The following ADGRL3 variants were observed in gnomAD, a reference collection of about 807,000 sequenced individuals.
ADGRL3 encodes the protein calcium-independent alpha-latrotoxin receptor 3.
In ADGRL3, 62 loss-of-function variants were observed where a neutral mutation model predicts 153.5. The observed-to-expected ratio is 0.40, with a 90% CI of 0.33 to 0.50. The LOEUF (loss-of-function observed/expected upper bound fraction) is 0.50, where lower values mean the gene tolerates loss of function less well. Among genes scored for constraint, ADGRL3 ranks in the 20% least tolerant of loss-of-function variants. The pLI, the probability that ADGRL3 is intolerant of heterozygous loss-of-function variation, is 0.47. For synonymous variants in ADGRL3, 710 were observed against 672.5 expected (o/e 1.06, Z -0.86); for missense variants, 1,641 against 1,859.4 (o/e 0.88, Z 2.16).
chr4:61,496,491 C>T (rs1032668080), intron 2 of ADGRL3, among the ~76,000 whole-genome samples: 4 of 151,500 alleles, frequency 2.6e-5, no homozygotes, highest in African/African-American at 4.9e-5. Context: ...TGGAGAAACC[C>T]CCTCTCTGCT....
intron 1 of ADGRL3, among the ~76,000 whole-genome samples, chr4:61,290,968 C>T (rs1048577355): frequency 6.6e-6 from 1 of 151,690 alleles, no homozygotes; most frequent in African/African-American, 2.4e-5. Flanking sequence ...TTTTAAAAAA[C>T]TGGATTGCTA....
chr4:61,972,727 G>A (rs552789026), intron 17 of ADGRL3, among the ~76,000 whole-genome samples: 7 of 152,014 alleles, frequency 4.6e-5, no homozygotes, highest in Non-Finnish European at 7.4e-5. Context: ...GGATGGCATT[G>A]AATCTATAAA....
At chr4:61,262,037 A>G (rs1036516178) in intron 1 of ADGRL3, among the ~76,000 whole-genome samples, 2 of 152,080 alleles carry the variant, frequency 1.3e-5, no homozygotes, top group African/African-American at 2.4e-5. Context: ...TTAGTAAACT[A>G]TGTTTCAAAG....
intron 1 of ADGRL3, among the ~76,000 whole-genome samples, chr4:61,208,992 T>C (rs1457089661): frequency 1.3e-5 from 2 of 152,132 alleles, no homozygotes; most frequent in Non-Finnish European, 2.9e-5. Flanking sequence ...TAAAGTTTAA[T>C]TGGAGAACTG....
At chr4:61,283,941 C>T (rs1237667709) in intron 1 of ADGRL3, among the ~76,000 whole-genome samples, 1 of 151,964 alleles carries the variant, frequency 6.6e-6, no homozygotes, top group East Asian at 1.9e-4. Context: ...CATTCTAGAA[C>T]ATCCCCCTCA....
intron 1 of ADGRL3, among the ~76,000 whole-genome samples, chr4:61,220,389 C>T (rs765565086): frequency 2.0e-5 from 3 of 152,100 alleles, no homozygotes; most frequent in Admixed American, 6.5e-5. Context: ...GAGCCTAAAC[C>T]ATGGGACTGC....
intron 2 of ADGRL3, among the ~76,000 whole-genome samples, chr4:61,421,436 A>G (rs2097206671): frequency 6.6e-6 from 1 of 152,172 alleles, no homozygotes; most frequent in Admixed American, 6.5e-5. Context: ...GAAAAGCACT[A>G]GAAATCTAAT....
In ADGRL3 at chr4:61,519,387, G is replaced by A. The variant is rs575479072; in HGVS notation, c.259+1869G>A. On this transcript the variant is annotated intron_variant, in intron 4 of 26. Coordinates refer to ENST00000683033, the MANE Select transcript of ADGRL3 (RefSeq NM_001387552.1). ...TTCTGTTTTGGACAGAGATGAAAAC[G>A]ACAGTACAAGCCAATTTTATGTGAT... 5.3e-5 allele frequency among the ~76,000 whole-genome samples: 8 copies of A among 152,260 alleles called. No homozygotes were observed. In the East Asian group the frequency reaches 9.7e-4, roughly 18 times the overall value.
intron 4 of ADGRL3, among the ~76,000 whole-genome samples, chr4:61,537,473 A>C (rs2098664080): frequency 6.6e-6 from 1 of 152,122 alleles, no homozygotes; most frequent in Non-Finnish European, 1.5e-5. Context: ...TATGTTTTCC[A>C]AATTGCTTAT....
intron 1 of ADGRL3, among the ~76,000 whole-genome samples, chr4:61,379,645 T>C (rs2096644714): frequency 6.6e-6 from 1 of 152,074 alleles, no homozygotes; most frequent in South Asian, 2.1e-4. Context: ...GAACCCTGAC[T>C]GGATAGTTCA....
chr4:61,993,543 C>T (rs1195222887), intron 19 of ADGRL3, among the ~76,000 whole-genome samples: 3 of 152,042 alleles, frequency 2.0e-5, no homozygotes, highest in Non-Finnish European at 4.4e-5. Context: ...CTACCCACCT[C>T]GGCCTCCCAA....
chr4:61,653,696 T>C (rs948080142), intron 5 of ADGRL3, among the ~76,000 whole-genome samples: 1 of 152,184 alleles, frequency 6.6e-6, no homozygotes, highest in African/African-American at 2.4e-5. Flanking sequence ...GATTAACCTT[T>C]CAAACAGAGT....
chr4:62,053,360 T>C (rs1477300482), intron 25 of ADGRL3, among the ~76,000 whole-genome samples: 3 of 151,588 alleles, frequency 2.0e-5, no homozygotes, highest in Non-Finnish European at 4.4e-5. Context: ...GCACTTTATA[T>C]AGCTCAGCTT....
chr4:61,216,223 A>G (rs1464528719), intron 1 of ADGRL3, among the ~76,000 whole-genome samples: 3 of 152,162 alleles, frequency 2.0e-5, no homozygotes, highest in African/African-American at 7.2e-5. Flanking sequence ...TTAAAGAGAA[A>G]GTGACATAAT....
chr4:61,723,918 A>C (rs2151685946), intron 6 of ADGRL3, among the ~76,000 whole-genome samples: 1 of 152,318 alleles, frequency 6.6e-6, no homozygotes, highest in South Asian at 2.1e-4. Flanking sequence ...CACCAAAGTC[A>C]TGAGTTTCGA....
intron 8 of ADGRL3, among the ~76,000 whole-genome samples, chr4:61,751,786 G>A (rs539370746): frequency 7.2e-5 from 11 of 152,172 alleles, no homozygotes; most frequent in African/African-American, 9.6e-5. Context: ...ACATTCAGAC[G>A]TATTGCTAAC....
At chr4:61,292,053 C>G (rs1303991494) in intron 1 of ADGRL3, among the ~76,000 whole-genome samples, 3 of 151,214 alleles carry the variant, frequency 2.0e-5, no homozygotes, top group Non-Finnish European at 4.4e-5. Context: ...TATGGGAGAA[C>G]AAATGAGATG....
intron 21 of ADGRL3, among the ~76,000 whole-genome samples, chr4:62,003,866 G>A (rs868025191): frequency 2.0e-5 from 3 of 152,058 alleles, no homozygotes; most frequent in African/African-American, 7.2e-5. Flanking sequence ...AGCTAGTTCT[G>A]TTCTTAGTTC....
At chr4:61,491,994 TGATTTCCC>T (rs1186620683) in intron 2 of ADGRL3, among the ~76,000 whole-genome samples, 1 of 149,584 alleles carries the variant, frequency 6.7e-6, no homozygotes, top group South Asian at 2.1e-4. Context: ...GTCATAGCTA[TGATTTCCC>T]TCTATGGAAC....
Sources: allele counts gnomAD v4.1 joint callset (sites outside exome capture counted in the v4.1 genomes callset), GRCh38; gene constraint gnomAD v4.1.1; transcripts MANE v1.5; gene names NCBI Gene and HGNC (gene_info 2026-07-23, HGNC 2026-07-21).